CTTN: variants seen among roughly 807,000 people sequenced by gnomAD.
CTTN encodes the protein src substrate cortactin.
CTTN carries 28 observed loss-of-function variants against 84.0 expected under a neutral mutation model. The ratio of observed to expected loss-of-function variants is 0.33; its 90% CI spans 0.25 to 0.46. The LOEUF is 0.46. Among genes scored for constraint, CTTN ranks in the 20% least tolerant of loss-of-function variants. CTTN has a pLI of 1.00. For synonymous variants in CTTN, 301 were observed against 288.8 expected, an observed-to-expected ratio of 1.04 and a Z score of -0.43; for missense variants, 641 against 723.8, an observed-to-expected ratio of 0.89 and a Z score of 1.31.
Position 70,435,900 on chromosome 11 carries a change from GC to G in CTTN, c.*742del, listed in dbSNP as rs1320832806. The stretch of plus-strand genomic sequence containing the variant: ...CACTGAGTCCTTGAAATCCTCCCCT[GC>G]CCCGCGGGTCTCTGGATTGGGACGC... On this transcript the variant is annotated 3_prime_UTR_variant, in exon 18 of 18. Transcript: ENST00000301843. The G allele has an allele frequency of 7.5e-6, 11 of 1,476,206 alleles. 1 individual carries two copies. In the African/African-American group the frequency reaches 1.4e-4, roughly 19 times the overall value. 91.4% of individuals were successfully genotyped at this position (1,476,206 alleles called of 1,614,324 possible).
chr11:70,423,108 C>T (rs199670982), intron 12 of CTTN, 113 bp downstream of exon 12: 37 of 1,295,594 alleles, frequency 2.9e-5, no homozygotes, highest in South Asian at 1.3e-5. Flanking sequence ...AAGTGATTTC[C>T]GTCGTGGTGG....
rs1176719666 is a variant in CTTN, at chr11:70,436,238, C to G, written c.*1076C>G. On this transcript the variant is annotated 3_prime_UTR_variant, in exon 18 of 18. Coordinates refer to ENST00000301843, the MANE Select transcript of CTTN (RefSeq NM_005231.4). ...TCTTCCCCAAGGTCCCCCCACAGCT[C>G]CAGGACACCGCTGTCCTGGCATTTG... The G allele has an allele frequency of 2.5e-6, 4 of 1,590,582 alleles. No homozygotes were observed. In the East Asian group the frequency reaches 8.9e-5, roughly 36 times the overall value.
intron 2 of CTTN, 97 bp downstream of exon 2, chr11:70,405,458 G>A (rs559498656): frequency 6.6e-6 from 1 of 152,152 alleles, no homozygotes; most frequent in African/African-American, 2.4e-5. Context: ...CTGTTTCTGT[G>A]GATTTACTGG....
At chr11:70,414,040 T>C (rs954531561) in intron 5 of CTTN, among the ~76,000 whole-genome samples, 2 of 152,010 alleles carry the variant, frequency 1.3e-5, no homozygotes, top group Non-Finnish European at 2.9e-5. Context: ...AGGGCTGGGG[T>C]GGGCCGTGAA....
intron 1 of CTTN, among the ~76,000 whole-genome samples, chr11:70,402,725 A>G (rs1470542892): frequency 1.3e-5 from 2 of 152,228 alleles, no homozygotes; most frequent in East Asian, 1.9e-4. Context: ...TTATGTATCT[A>G]TCAGTTGATG....
At position 70,405,351 on chromosome 11, in the gene CTTN, C is replaced by T. The variant is rs555531405; in HGVS notation, c.-11C>T. 4 of 152,216 alleles carry T rather than the reference C, an allele frequency of 2.6e-5. No individual in the cohort carries two copies. In the South Asian group the frequency reaches 8.3e-4, roughly 32 times the overall value. The allele number at this position is 152,216 out of a possible 1,614,324, so 9.4% of individuals were successfully genotyped here. A position where few individuals can be genotyped will look rare whatever the true frequency, so the allele number is the denominator to read the frequency against. ...TCGTGAACAGCCTTTTATCTCCAAG[C>T]GGAAAGAAAGGTACTTGTGCATTGT... On this transcript the variant is annotated 5_prime_UTR_variant, in exon 2 of 18. Transcript: ENST00000301843.
At chr11:70,409,636 C>T (rs892719401) in intron 4 of CTTN, among the ~76,000 whole-genome samples, 195 bp from the exon 5 acceptor site, 2 of 152,218 alleles carry the variant, frequency 1.3e-5, no homozygotes, top group African/African-American at 4.8e-5. Context: ...TCTGATACTG[C>T]AGACTGCCGA....
rs73516256 is a variant in CTTN at position 70,402,339 on chromosome 11, A to G, written c.-97-2926A>G. On this transcript the variant is annotated intron_variant, in intron 1 of 17. Coordinates refer to ENST00000301843, the MANE Select transcript of CTTN (RefSeq NM_005231.4). ...AGCTTTATCGAGATATAATTCACAT[A>G]CCATACAATACGCCTGTGTAGTGTG... Among the ~76,000 whole-genome samples the G allele has an allele frequency of 2.0e-3, 298 of 152,324 alleles. 3 individuals are homozygous for G. Among genetic ancestry groups the G allele is most frequent in the African/African-American group, 6.9e-3 (288 of 41,562 alleles).
At position 70,401,947 on chromosome 11, in the gene CTTN, T is replaced by C. The variant is rs1173200228; in HGVS notation, c.-97-3318T>C. Among the ~76,000 whole-genome samples, 3 of 152,154 alleles carry C rather than the reference T, an allele frequency of 2.0e-5. No individual in the cohort carries two copies. The East Asian group carries it at 5.8e-4, about 29-fold the overall frequency. ...TGGCAAATCACTTGAGGCCAGGAGT[T>C]GGAGATCAGCCTGGACCAACATAAT... is the stretch of plus-strand genomic sequence containing the variant. On this transcript the variant is annotated intron_variant, in intron 1 of 17. Coordinates refer to ENST00000301843, the MANE Select transcript of CTTN (RefSeq NM_005231.4).
chr11:70,420,399 G>A lies in CTTN; in HGVS notation c.680-1G>A. On this transcript the variant is annotated splice_acceptor_variant, in intron 9 of 17. Transcript: ENST00000301843. LOFTEE classifies it high-confidence loss of function. ...GTTCTGGCCTTTCATTGTGCATGTA[G>A]ACTATGTGAAAGGGTTTGGAGGAAA... 1 of 1,608,562 alleles carries A rather than the reference G, an allele frequency of 6.2e-7. No homozygotes were observed. Among genetic ancestry groups the A allele is most frequent in the Non-Finnish European group, 8.5e-7 (1 of 1,174,832 alleles).
chr11:70,428,989 G>C, intron 13 of CTTN, 62 bp from the exon 14 acceptor site: 1 of 1,593,814 alleles, frequency 6.3e-7, no homozygotes, highest in Non-Finnish European at 8.6e-7. Context: ...GGGTGGGGCT[G>C]TTGTCCAGGA....
chr11:70,410,209 G>T, intron 5 of CTTN: 1 of 415,750 alleles, frequency 2.4e-6, no homozygotes, highest in South Asian at 3.6e-5. Context: ...CAGAGAGGGA[G>T]ATTGGCCCTC....
At position 70,422,648 on chromosome 11, in the gene CTTN, T is replaced by C; in HGVS notation, c.902-292T>C. 6.5e-6 allele frequency: 9 copies of C among 1,388,840 alleles called. No individual in the cohort carries two copies. The South Asian group carries it at 8.6e-5, about 13-fold the overall frequency. 86.0% of individuals were successfully genotyped at this position (1,388,840 alleles called of 1,614,324 possible). A position where few individuals can be genotyped will look rare whatever the true frequency, so the allele number is the denominator to read the frequency against. ...GTTGCAAAGGCCTGTCCGTGCCCTC[T>C]TTCCTCGCTTAGCTCCTGCCTGCTG... On this transcript the variant is annotated intron_variant, in intron 11 of 17. Coordinates refer to ENST00000301843, the MANE Select transcript of CTTN (RefSeq NM_005231.4).
chr11:70,430,842 C>T (rs140136248), intron 14 of CTTN, among the ~76,000 whole-genome samples: 42 of 152,298 alleles, frequency 2.8e-4, no homozygotes, highest in Non-Finnish European at 4.9e-4. Context: ...CCGGCACTGT[C>T]GCGTCACTGG....
intron 5 of CTTN, among the ~76,000 whole-genome samples, chr11:70,412,601 G>A (rs1462815099): frequency 2.0e-5 from 3 of 152,338 alleles, no homozygotes; most frequent in East Asian, 1.9e-4. Flanking sequence ...ACAAGCACAC[G>A]CGAGAGGAGC....
At chr11:70,406,390 C>T (rs550791176) in intron 2 of CTTN, among the ~76,000 whole-genome samples, 1 of 152,264 alleles carries the variant, frequency 6.6e-6, no homozygotes, top group South Asian at 2.1e-4. Context: ...AATTGGGTGT[C>T]CTCAGTTCAG....
rs571346659 is a variant in CTTN at position 70,435,363 on chromosome 11, G to A, written c.*201G>A. ...TGAAAATGTTTATGCCACAGAATTT[G>A]CTAATATATTGTAATCACATTCCTT... On this transcript the variant is annotated 3_prime_UTR_variant, in exon 18 of 18. Coordinates refer to ENST00000301843, the MANE Select transcript of CTTN (RefSeq NM_005231.4). 4.3e-6 allele frequency: 6 copies of A among 1,401,988 alleles called. No homozygotes were observed. Among genetic ancestry groups the A allele is most frequent in the Admixed American group, 6.3e-5 (2 of 31,918 alleles). 86.8% of individuals were successfully genotyped at this position (1,401,988 alleles called of 1,614,324 possible).
chr11:70,404,249 C>T (rs562118408), intron 1 of CTTN, among the ~76,000 whole-genome samples: 20 of 152,308 alleles, frequency 1.3e-4, no homozygotes, highest in Non-Finnish European at 2.1e-4. Context: ...GTTCCTAATG[C>T]GTGAGAAACC....
In CTTN at chr11:70,429,152, A is replaced by G. The variant is rs769938933; in HGVS notation, c.1129A>G (p.Met377Val). The G allele has an allele frequency of 6.2e-7, 1 of 1,613,976 alleles. No homozygotes were observed. The highest frequency in any genetic ancestry group is 1.7e-5 in the Admixed American group (1 of 60,024). ...GGCGGAGGCGGAGAGAGCCCAGCGG[A>G]TGGCCAAGGAGCGGCAGGAGCAGGA... Reference protein sequence around the residue: ...RKAEAERAQRMAKERQEQEEA... With the variant: ...RKAEAERAQRVAKERQEQEEA... The change falls in exon 14 of 18, where the codon ATG becomes GTG. Residue 377 changes from methionine (M) to valine (V), a missense_variant. Coordinates refer to ENST00000301843, the MANE Select transcript of CTTN (RefSeq NM_005231.4).
Sources: allele counts gnomAD v4.1 joint callset (sites outside exome capture counted in the v4.1 genomes callset), GRCh38; gene constraint gnomAD v4.1.1; transcripts MANE v1.5; gene names NCBI Gene and HGNC (gene_info 2026-07-23, HGNC 2026-07-21).